Variants in RSF1 observed in about 807,000 individuals in gnomAD.
RSF1 encodes HBV pX-associated protein 8.
Under a neutral mutation model 145.2 loss-of-function variants are expected in RSF1, and 13 were observed. The ratio of observed to expected loss-of-function variants is 0.09; its 90% CI spans 0.06 to 0.14. The LOEUF (loss-of-function observed/expected upper bound fraction) is 0.14, where lower values mean the gene tolerates loss of function less well. Among genes scored for constraint, RSF1 ranks in the 10% least tolerant of loss-of-function variants. The pLI is 1.00. For missense variants in RSF1, 1,517 were observed against 1,718.2 expected (o/e 0.88, Z 2.07); for synonymous variants, 577 against 592.6 (o/e 0.97, Z 0.38).
chr11:77,701,331 T>G lies in RSF1; in HGVS notation c.1898A>C (p.Asn633Thr). The G allele has an allele frequency of 6.2e-7, 1 of 1,614,066 alleles. No individual in the cohort carries two copies. ...TAGTTTCTCACAGTGGTCAATGATA[T>G]TAGATGGTGGAGAAGTTTCAGCTGC... Reference protein sequence around the residue: ...PEAAETSPPSNIIDHCEKLAS... With the variant: ...PEAAETSPPSTIIDHCEKLAS... The change falls in exon 6 of 16, where the codon AAT (asparagine) becomes ACT (threonine). Residue 633 changes from asparagine (N) to threonine (T), a missense_variant. Physicochemically the swap from Asn to Thr is moderately conservative, Grantham distance 65. This residue lies in a region of RSF1 where 579 missense variants were observed against 553.5 expected (regional missense o/e 1.05). Transcript: ENST00000308488.
At chr11:77,832,754 T>C in the RSF1 span, among the ~76,000 whole-genome samples, 1 of 151,544 alleles carries the variant, frequency 6.6e-6, no homozygotes. Flanking sequence ...CCTGCTGAAA[T>C]TTTTTGTATA....
At chr11:77,743,271 CA>C (rs1346492966) in intron 3 of RSF1, among the ~76,000 whole-genome samples, 1 of 152,136 alleles carries the variant, frequency 6.6e-6, no homozygotes, top group Non-Finnish European at 1.5e-5. Flanking sequence ...TTTCTGTGAA[CA>C]ATGCCATTGG....
intron 1 of RSF1, among the ~76,000 whole-genome samples, chr11:77,804,380 A>G (rs1040916811): frequency 6.6e-6 from 1 of 152,208 alleles, no homozygotes; most frequent in African/African-American, 2.4e-5. Context: ...GGCAGGTAGC[A>G]TGGGGACCCC....
At chr11:77,680,102 T>C (rs1370227282) in intron 11 of RSF1, among the ~76,000 whole-genome samples, 11 of 152,114 alleles carry the variant, frequency 7.2e-5, no homozygotes, top group Non-Finnish European at 1.2e-4. Context: ...GTATATTATA[T>C]TGAAGAGGGT....
intron 6 of RSF1, 22 bp from the exon 7 acceptor site, chr11:77,698,715 T>G (rs938766453): frequency 1.3e-6 from 2 of 1,590,848 alleles, no homozygotes; most frequent in Admixed American, 1.7e-5. Context: ...TAAAAAAAAT[T>G]GGGATAATTT....
At chr11:77,678,011 C>T (rs1959755802) in intron 12 of RSF1, 75 bp downstream of exon 12, 3 of 927,874 alleles carry the variant, frequency 3.2e-6, no homozygotes, top group African/African-American at 1.6e-5. Flanking sequence ...AACATATGCT[C>T]ACTGCCCTAA....
chr11:77,855,860 G>A, the RSF1 span, among the ~76,000 whole-genome samples: 1 of 151,936 alleles, frequency 6.6e-6, no homozygotes, highest in Non-Finnish European at 1.5e-5. Flanking sequence ...AGCACTTTGG[G>A]AGGCCAAGGT....
At chr11:77,836,279 T>A in the RSF1 span, among the ~76,000 whole-genome samples, 1 of 152,078 alleles carries the variant, frequency 6.6e-6, no homozygotes, top group Non-Finnish European at 1.5e-5. Flanking sequence ...CAAAAACGAC[T>A]GTAGTTAGAG....
At chr11:77,707,263 A>G (rs568455970) in intron 5 of RSF1, among the ~76,000 whole-genome samples, 1 of 152,352 alleles carries the variant, frequency 6.6e-6, no homozygotes, top group East Asian at 1.9e-4. Flanking sequence ...AACGGTAACA[A>G]AAGCTAGTCT....
chr11:77,711,143 TA>T (rs60863404), intron 5 of RSF1, among the ~76,000 whole-genome samples: 27,379 of 134,368 alleles, frequency 0.2, 2,741 homozygotes, highest in Non-Finnish European at 0.26. Flanking sequence ...ATTTTTAACT[TA>T]AAAAAAAAAA....
the RSF1 span, among the ~76,000 whole-genome samples, chr11:77,854,614 G>T: frequency 2.6e-5 from 4 of 152,232 alleles, no homozygotes; most frequent in Admixed American, 2.0e-4. Flanking sequence ...GGTTCCCAAG[G>T]CTTTGGGCAG....
intron 2 of RSF1, among the ~76,000 whole-genome samples, chr11:77,757,483 T>G (rs111707402): frequency 3.3e-5 from 5 of 151,938 alleles, no homozygotes; most frequent in African/African-American, 9.7e-5. Context: ...ATCGAGACCA[T>G]CCTGGCCAAC....
the RSF1 span, among the ~76,000 whole-genome samples, chr11:77,827,013 G>A: frequency 6.6e-6 from 1 of 152,100 alleles, no homozygotes; most frequent in African/African-American, 2.4e-5. Context: ...GCTGAGGCAG[G>A]AGAATCACTT....
At chr11:77,719,750 T>C (rs1358784062) in intron 5 of RSF1, among the ~76,000 whole-genome samples, 2 of 152,206 alleles carry the variant, frequency 1.3e-5, no homozygotes, top group Non-Finnish European at 2.9e-5. Flanking sequence ...AAATAAATAT[T>C]ATTCATGTGT....
intron 10 of RSF1, among the ~76,000 whole-genome samples, chr11:77,684,044 C>T (rs952978997): frequency 1.3e-5 from 2 of 152,170 alleles, no homozygotes; most frequent in South Asian, 2.1e-4. Context: ...AATTCTGACG[C>T]TTTTGTGAGA....
chr11:77,871,527 G>T, the RSF1 span, among the ~76,000 whole-genome samples: 1 of 152,260 alleles, frequency 6.6e-6, no homozygotes. Flanking sequence ...GCTAGTAGGG[G>T]GTGGGCAAGA....
rs1959228319 is a variant in RSF1, at chr11:77,661,211, T to C, written c.*5706A>G. The C allele has an allele frequency of 6.6e-6, 1 of 152,144 alleles. No individual in the cohort carries two copies. The highest frequency in any genetic ancestry group is 1.5e-5 in the Non-Finnish European group (1 of 68,016). The allele number at this position is 152,144 out of a possible 1,614,324, so 9.4% of individuals were successfully genotyped here. ...TCTACCACCATCTTAGCATAGGACATACCCTTTCAAAGTGTACACACAACC... is the reference window on the plus strand; with the variant it reads ...TCTACCACCATCTTAGCATAGGACACACCCTTTCAAAGTGTACACACAACC... On this transcript the variant is annotated 3_prime_UTR_variant, in exon 16 of 16. Transcript: ENST00000308488.
At position 77,676,858 on chromosome 11, in the gene RSF1, T is replaced by C. The variant is rs769215517; in HGVS notation, c.3275A>G (p.Asn1092Ser). Residue 1092 changes from asparagine (N) to serine (S), a missense_variant, in exon 13 of 16, where the codon AAT becomes AGT. Coordinates refer to ENST00000308488, the MANE Select transcript of RSF1 (RefSeq NM_016578.4). ...AARRKKRRRL[N>S]DLDSDSNLDE... ...CAGGTTGCTATCACTGTCCAGATCA[T>C]TTAATCGCCGGCGTTTCTTCCTTCG... 3.1e-6 allele frequency: 5 copies of C among 1,614,098 alleles called. No individual in the cohort carries two copies. The highest frequency in any genetic ancestry group is 4.2e-6 in the Non-Finnish European group (5 of 1,179,994).
chr11:77,853,868 G>C, the RSF1 span, among the ~76,000 whole-genome samples: 1 of 152,000 alleles, frequency 6.6e-6, no homozygotes, highest in African/African-American at 2.4e-5. Flanking sequence ...TTGAACCCAG[G>C]AGGTGGAGGT....
Sources: allele counts gnomAD v4.1 joint callset (sites outside exome capture counted in the v4.1 genomes callset), GRCh38; gene constraint gnomAD v4.1.1; regional missense constraint gnomAD v4.1.1; transcripts MANE v1.5; gene names NCBI Gene and HGNC (gene_info 2026-07-23, HGNC 2026-07-21).